Variants in LCN10 observed in about 807,000 individuals in gnomAD.
The protein encoded by LCN10 is epididymal-specific lipocalin-10.
LCN10 carries 18 observed loss-of-function variants against 25.1 expected under a neutral mutation model. The observed-to-expected ratio is 0.72, with a 90% CI of 0.50 to 1.06. The LOEUF is 1.06. LCN10 is among the 50% of genes least tolerant of loss of function. The pLI is 0.00. For missense variants in LCN10, 257 were observed against 258.9 expected (o/e 0.99, Z 0.05); for synonymous variants, 130 against 116.7 (o/e 1.11, Z -0.73).
At position 136,740,647 on chromosome 9, in the gene LCN10, C is replaced by G; in HGVS notation, c.475+189G>C. 1.7e-6 allele frequency: 1 copy of G among 581,288 alleles called. No individual in the cohort carries two copies. The highest frequency in any genetic ancestry group is 3.1e-6 in the Non-Finnish European group (1 of 326,712). The allele number at this position is 581,288 out of a possible 1,614,324, so 36.0% of individuals were successfully genotyped here. A position where few individuals can be genotyped will look rare whatever the true frequency, so the allele number is the denominator to read the frequency against. ...CAGCCTCTTCCTGACGTCCCCTATC[C>G]TTGCTTCAGCGACCTCCAGGACCTG... On this transcript the variant is annotated intron_variant, in intron 4 of 5. Transcript: ENST00000497771. This position sits in a 1 kb window ranked among gnomAD's most constrained non-coding sequence, Gnocchi z 5.3.
chr9:136,742,749 C>T, intron 1 of LCN10, 38 bp downstream of exon 1: 1 of 1,609,482 alleles, frequency 6.2e-7, no homozygotes, highest in South Asian at 1.1e-5. Context: ...AGCTCCAGAG[C>T]CGGCGCCCGG....
rs1311718492 is a variant in LCN10 at position 136,739,832 on chromosome 9, TCTTTCAAATGGCAC to T, written c.574+104_574+117del. 2.1e-6 allele frequency: 2 copies of T among 955,124 alleles called. No individual in the cohort carries two copies. Among genetic ancestry groups the T allele is most frequent in the African/African-American group, 1.6e-5 (1 of 61,398 alleles). 59.2% of individuals were successfully genotyped at this position (955,124 alleles called of 1,614,324 possible). A position where few individuals can be genotyped will look rare whatever the true frequency, so the allele number is the denominator to read the frequency against. On this transcript the variant is annotated intron_variant, in intron 5 of 5. Transcript: ENST00000497771. This position sits in a 1 kb window ranked among gnomAD's most constrained non-coding sequence, Gnocchi z 6.1. ...GAGGTGGGAGGCACGTTTGGGCGGA[TCTTTCAAATGGCAC>T]CTTTCAAATGGATCCTTTCATCTCT...
Position 136,740,521 on chromosome 9 carries a change from C to T in LCN10, c.475+315G>A, listed in dbSNP as rs1434974888. The T allele has an allele frequency of 2.3e-5, 11 of 474,578 alleles. No homozygotes were observed. Among genetic ancestry groups the T allele is most frequent in the Admixed American group, 1.0e-4 (3 of 28,810 alleles). The allele number at this position is 474,578 out of a possible 1,614,324, so 29.4% of individuals were successfully genotyped here. The stretch of plus-strand genomic sequence containing the variant: ...AGACCCTTACCTGGGACCCCTCCCA[C>T]GCCTCCTCATCCCCACTGTGTCCCT... On this transcript the variant is annotated intron_variant, in intron 4 of 5. Coordinates refer to ENST00000497771, the MANE Select transcript of LCN10 (RefSeq NM_001001712.3). The surrounding 1 kb of genome is among the most constrained non-coding windows in gnomAD (Gnocchi z 5.3).
At chr9:136,741,717 A>T (rs915893637) in intron 2 of LCN10, 164 bp downstream of exon 2, 1 of 982,198 alleles carries the variant, frequency 1.0e-6, no homozygotes, top group Non-Finnish European at 1.5e-6. Flanking sequence ...GTGGGGTCCC[A>T]GGGGCTGCAG....
Position 136,739,347 on chromosome 9 carries a change from C to A in LCN10, c.*178G>T, listed in dbSNP as rs1846884205. 5 of 654,250 alleles carry A rather than the reference C, an allele frequency of 7.6e-6. No individual in the cohort carries two copies. In the East Asian group the frequency reaches 1.4e-4, roughly 19 times the overall value. The allele number at this position is 654,250 out of a possible 1,614,324, so 40.5% of individuals were successfully genotyped here. ...CACCCGGTCAGCCTGTATCCTCCTT[C>A]CCCCATCTTTCTGTGATCATAAAGG... is the stretch of plus-strand genomic sequence containing the variant. On this transcript the variant is annotated 3_prime_UTR_variant, in exon 6 of 6. Transcript: ENST00000497771. The surrounding 1 kb of genome is among the most constrained non-coding windows in gnomAD (Gnocchi z 6.1).
At chr9:136,741,493 TC>T (rs1846933081) in intron 2 of LCN10, 132 bp from the exon 3 acceptor site, 3 of 683,092 alleles carry the variant, frequency 4.4e-6, no homozygotes, top group African/African-American at 3.6e-5. Flanking sequence ...GGGCCCCAGG[TC>T]CCCAGTTTTT....
Position 136,740,896 on chromosome 9 carries a change from C to T in LCN10, c.415G>A (p.Gly139Ser), listed in dbSNP as rs144292696. Reference protein sequence around the residue: ...FHVLSTDYSYGLVYLRLGRAT... With the variant: ...FHVLSTDYSYSLVYLRLGRAT... ...CGCCCCAGGCGGAGGTAGACCAAGC[C>T]GTAGCTGTAGTCAGTGGACAGCACG... Residue 139 changes from glycine to serine, a missense_variant, in exon 4 of 6, where the codon GGC (glycine) becomes AGC (serine). Transcript: ENST00000497771. This position sits in a 1 kb window ranked among gnomAD's most constrained non-coding sequence, Gnocchi z 5.3. 2.0e-5 allele frequency: 33 copies of T among 1,613,734 alleles called. No individual in the cohort carries two copies. The highest frequency in any genetic ancestry group is 1.6e-4 in the Middle Eastern group (1 of 6,080).
intron 2 of LCN10, 117 bp from the exon 3 acceptor site, chr9:136,741,478 G>T: frequency 2.4e-6 from 2 of 846,488 alleles, no homozygotes; most frequent in Non-Finnish European, 3.7e-6. Flanking sequence ...GACCCGGGAA[G>T]GTTGGGGCCC....
chr9:136,742,088 C>G, intron 1 of LCN10, 68 bp from the exon 2 acceptor site: 1 of 1,584,772 alleles, frequency 6.3e-7, no homozygotes, highest in Non-Finnish European at 8.6e-7. Context: ...CCGAGGTTCC[C>G]AGCTAGAGAA....
rs902162077 is a variant in LCN10 at position 136,738,330 on chromosome 9, A to T, written c.*1195T>A. On this transcript the variant is annotated 3_prime_UTR_variant, in exon 6 of 6. Transcript: ENST00000497771. ...GGAATTTACGCTGAAGGAGATGGCC[A>T]AATAGAGATGTTCAATAAGCTTCAG... The T allele has an allele frequency of 1.3e-5, 2 of 152,260 alleles. No homozygotes were observed. The highest frequency in any genetic ancestry group is 4.8e-5 in the African/African-American group (2 of 41,450). 9.4% of individuals were successfully genotyped at this position (152,260 alleles called of 1,614,324 possible).
In LCN10 at chr9:136,739,660, T is replaced by C; in HGVS notation, c.575-107A>G. 1 of 1,084,774 alleles carries C rather than the reference T, an allele frequency of 9.2e-7. No individual in the cohort carries two copies. The highest frequency in any genetic ancestry group is 1.4e-6 in the Non-Finnish European group (1 of 724,160). The allele number at this position is 1,084,774 out of a possible 1,614,324, so 67.2% of individuals were successfully genotyped here. ...TCCCTGGTTCCATGCGTGCTCGTCTTGGGCACCACGAGAACACAGCCATGC... is the reference window on the plus strand; with the variant it reads ...TCCCTGGTTCCATGCGTGCTCGTCTCGGGCACCACGAGAACACAGCCATGC... On this transcript the variant is annotated intron_variant, in intron 5 of 5. Transcript: ENST00000497771. The surrounding 1 kb of genome is among the most constrained non-coding windows in gnomAD (Gnocchi z 6.1).
Position 136,738,455 on chromosome 9 carries a change from C to T in LCN10, c.*1070G>A, listed in dbSNP as rs1466842373. On this transcript the variant is annotated 3_prime_UTR_variant, in exon 6 of 6. Coordinates refer to ENST00000497771, the MANE Select transcript of LCN10 (RefSeq NM_001001712.3). ...AACCAATCTCTGATCTCTTCTCGGG[C>T]CAGAAGGAGGGGCTGACCCCTTACC... The T allele has an allele frequency of 1.3e-5, 2 of 152,242 alleles. No homozygotes were observed. The highest frequency in any genetic ancestry group is 4.8e-5 in the African/African-American group (2 of 41,440). The allele number at this position is 152,242 out of a possible 1,614,324, so 9.4% of individuals were successfully genotyped here.
Position 136,739,657 on chromosome 9 carries a change from T to C in LCN10, c.575-104A>G. 1 of 1,105,888 alleles carries C rather than the reference T, an allele frequency of 9.0e-7. No homozygotes were observed. Among genetic ancestry groups the C allele is most frequent in the East Asian group, 2.6e-5 (1 of 38,916 alleles). The allele number at this position is 1,105,888 out of a possible 1,614,324, so 68.5% of individuals were successfully genotyped here. A position where few individuals can be genotyped will look rare whatever the true frequency, so the allele number is the denominator to read the frequency against. On this transcript the variant is annotated intron_variant, in intron 5 of 5. Transcript: ENST00000497771. The surrounding 1 kb of genome is among the most constrained non-coding windows in gnomAD (Gnocchi z 6.1). ...CGCTCCCTGGTTCCATGCGTGCTCG[T>C]CTTGGGCACCACGAGAACACAGCCA...
At position 136,742,775 on chromosome 9, in the gene LCN10, C is replaced by T; in HGVS notation, c.117+12G>A. 6.2e-7 allele frequency: 1 copy of T among 1,613,066 alleles called. No individual in the cohort carries two copies. The highest frequency in any genetic ancestry group is 1.3e-5 in the African/African-American group (1 of 75,046). ...CGGCGCCCGGCTCAGGGACCAGTGGCACATGGCTCACCTTGTTCCAGTTGA... is the reference window on the plus strand; with the variant it reads ...CGGCGCCCGGCTCAGGGACCAGTGGTACATGGCTCACCTTGTTCCAGTTGA... On this transcript the variant is annotated intron_variant, in intron 1 of 5. Transcript: ENST00000497771.
At chr9:136,742,058 AC>A (rs1846948929) in intron 1 of LCN10, 38 bp from the exon 2 acceptor site, 1 of 1,609,112 alleles carries the variant, frequency 6.2e-7, no homozygotes, top group Non-Finnish European at 8.5e-7. Flanking sequence ...AGGAGCTGCC[AC>A]CGGGGGCTGT....
At chr9:136,742,608 G>T in intron 1 of LCN10, 179 bp downstream of exon 1, 10 of 706,564 alleles carry the variant, frequency 1.4e-5, no homozygotes, top group East Asian at 2.9e-5. Context: ...CCCTGCCTTT[G>T]CCCTGCAACT....
chr9:136,742,871 C>CA lies in LCN10; in HGVS notation c.32dup (p.Leu12AlafsTer41), dbSNP rs1454397151. On this transcript the variant is annotated frameshift_variant, in exon 1 of 6. Transcript: ENST00000497771. LOFTEE classifies it high-confidence loss of function. ...CAGCCAGCACTAGCACCAGCACCAG[C>CA]ACCAGCGCCAGCACCAGCAGCCCCT... The CA allele has an allele frequency of 6.2e-7, 1 of 1,613,556 alleles. No homozygotes were observed. Among genetic ancestry groups the CA allele is most frequent in the Non-Finnish European group, 8.5e-7 (1 of 1,179,752 alleles).
At chr9:136,741,734 T>C in intron 2 of LCN10, 147 bp downstream of exon 2, 4 of 1,147,740 alleles carry the variant, frequency 3.5e-6, no homozygotes, top group Non-Finnish European at 4.8e-6. Flanking sequence ...GCAGGTGGCT[T>C]CCTCTGAGTT....
chr9:136,740,168 C>A lies in LCN10; in HGVS notation c.476-120G>T. 2.6e-6 allele frequency: 2 copies of A among 759,792 alleles called. No individual in the cohort carries two copies. Among genetic ancestry groups the A allele is most frequent in the South Asian group, 1.5e-5 (1 of 67,180 alleles). The allele number at this position is 759,792 out of a possible 1,614,324, so 47.1% of individuals were successfully genotyped here. ...ATGTCCTCAGAGCTTAGGCGTGAAG[C>A]AGGGGTTGGCCAGGGGAGGACAGCG... On this transcript the variant is annotated intron_variant, in intron 4 of 5. Transcript: ENST00000497771. The surrounding 1 kb of genome is among the most constrained non-coding windows in gnomAD (Gnocchi z 5.3).
Sources: allele counts gnomAD v4.1 joint callset, GRCh38; gene constraint gnomAD v4.1.1; non-coding constraint Gnocchi (gnomAD v3.1); transcripts MANE v1.5; gene names NCBI Gene and HGNC (gene_info 2026-07-23, HGNC 2026-07-21).